SRMS: variants seen among roughly 807,000 people sequenced by gnomAD.
The protein encoded by SRMS is tyrosine-protein kinase Srms.
SRMS carries 42 observed loss-of-function variants against 43.5 expected under a neutral mutation model. The ratio of observed to expected loss-of-function variants is 0.97; its 90% CI spans 0.75 to 1.25. The LOEUF (loss-of-function observed/expected upper bound fraction) is 1.25, where lower values mean the gene tolerates loss of function less well. Ranked by LOEUF, SRMS falls within the 50% of genes most tolerant of loss-of-function variation. The probability of loss-of-function intolerance (pLI) is 0.00; values close to 1 mark genes in which losing one functional copy is unlikely to be tolerated. For synonymous variants in SRMS, 316 were observed against 308.2 expected (o/e 1.03, Z -0.27); for missense variants, 703 against 681.0 (o/e 1.03, Z -0.36).
rs2082719382 is a variant in SRMS, at chr20:63,544,275, A to G, written c.430T>C (p.Phe144Leu). 6.8e-7 allele frequency: 1 copy of G among 1,480,962 alleles called. No individual in the cohort carries two copies. The highest frequency in any genetic ancestry group is 9.0e-7 in the Non-Finnish European group (1 of 1,116,732). 91.7% of individuals were successfully genotyped at this position (1,480,962 alleles called of 1,614,324 possible). Residue 144 changes from phenylalanine to leucine, a missense_variant, in exon 2 of 8, where the codon TTC (phenylalanine) becomes CTC (leucine). By Grantham distance (22) the Phe-to-Leu change is conservative (BLOSUM62 0). Coordinates refer to ENST00000217188, the MANE Select transcript of SRMS (RefSeq NM_080823.4). ...LLSPPNEPGA[F>L]LIRPSESSLG... ...CTGCTCTCGCTGGGCCGGATGAGGA[A>G]GGCCCCTGGTTCGTTGGGTGGGGAG...
At chr20:63,542,725 G>A in intron 3 of SRMS, 144 bp from the exon 4 acceptor site, 2 of 1,147,836 alleles carry the variant, frequency 1.7e-6, no homozygotes, top group Non-Finnish European at 2.4e-6. Flanking sequence ...AGGGGAGTGG[G>A]TGCCAGGCTT....
chr20:63,543,186 G>A, intron 3 of SRMS, 128 bp downstream of exon 3: 1 of 1,156,298 alleles, frequency 8.6e-7, no homozygotes, highest in South Asian at 1.5e-5. Context: ...ATGCTCCCAG[G>A]CCTGGGCAGG....
At position 63,543,374 on chromosome 20, in the gene SRMS, G is replaced by A. The variant is rs751216367; in HGVS notation, c.585C>T (p.Thr195=). 2.2e-5 allele frequency: 36 copies of A among 1,612,832 alleles called. No homozygotes were observed. Among genetic ancestry groups the A allele is most frequent in the Non-Finnish European group, 2.9e-5 (34 of 1,179,966 alleles). Reference sequence around the variant, plus strand: ...TCAGCTTCCAGTTGGCCTTGTAGTAGGTGAGCAGCTCCTCCAGGCCGGGAA... The same window carrying A: ...TCAGCTTCCAGTTGGCCTTGTAGTAAGTGAGCAGCTCCTCCAGGCCGGGAA... The part of the protein sequence containing the change: ...RLFPGLEELL[T]YYKANWKLIQ... The change falls in exon 3 of 8, where the codon ACC becomes ACT. Residue 195 remains threonine, a synonymous_variant. Transcript: ENST00000217188.
In SRMS at chr20:63,542,245, C is replaced by T; in HGVS notation, c.864G>A (p.Leu288=). The T allele has an allele frequency of 6.2e-7, 1 of 1,612,734 alleles. No individual in the cohort carries two copies. Among genetic ancestry groups the T allele is most frequent in the Non-Finnish European group, 8.5e-7 (1 of 1,179,754 alleles). The stretch of plus-strand genomic sequence containing the variant: ...GCTCCCCGCCCGAGCACACTGCGTG[C>T]AGCCGGATGAGCCGCTCGTGCCGCA... ...KGLRHERLIR[L]HAVCSGGEPV... The change falls in exon 5 of 8, where the codon CTG becomes CTA. Residue 288 remains leucine (L), a synonymous_variant. Transcript: ENST00000217188.
intron 3 of SRMS, 40 bp from the exon 4 acceptor site, chr20:63,542,621 C>T: frequency 6.4e-7 from 1 of 1,572,504 alleles, no homozygotes; most frequent in Non-Finnish European, 8.6e-7. Context: ...CAGCGTGGGC[C>T]CCTGTGCTCT....
Position 63,538,612 on chromosome 20 carries a change from T to A in SRMS, c.*2206A>T, listed in dbSNP as rs2082685924. Among the ~76,000 whole-genome samples, 1 of 151,538 alleles carries A rather than the reference T, an allele frequency of 6.6e-6. No homozygotes were observed. Among genetic ancestry groups the A allele is most frequent in the African/African-American group, 2.4e-5 (1 of 41,294 alleles). On this transcript the variant is annotated 3_prime_UTR_variant, in exon 8 of 8. Coordinates refer to ENST00000217188, the MANE Select transcript of SRMS (RefSeq NM_080823.4). Reference sequence around the variant, plus strand: ...CTCATAGATTTCTGGGCAGCCCAGCTCAGCGCTGACCAAGGTGGGGAGGGG... The same window carrying A: ...CTCATAGATTTCTGGGCAGCCCAGCACAGCGCTGACCAAGGTGGGGAGGGG...
Position 63,541,576 on chromosome 20 carries a change from C to A in SRMS, c.991G>T (p.Ala331Ser). 1.3e-6 allele frequency: 2 copies of A among 1,576,466 alleles called. No homozygotes were observed. Among genetic ancestry groups the A allele is most frequent in the Non-Finnish European group, 1.7e-6 (2 of 1,164,640 alleles). The change falls in exon 6 of 8, where the codon GCC becomes TCC. Residue 331 changes from alanine to serine, a missense_variant. Ala to Ser is a moderately conservative substitution (Grantham distance 99, BLOSUM62 1). Coordinates refer to ENST00000217188, the MANE Select transcript of SRMS (RefSeq NM_080823.4). ...CTCATGCCCTCAGCCACCTGGCAGG[C>A]AAAGCCCAGGAGTGGCGGCAGACGC... ...ALRLPPLLGF[A>S]CQVAEGMSYL...
intron 5 of SRMS, 96 bp downstream of exon 5, chr20:63,542,067 T>A: frequency 6.6e-7 from 1 of 1,504,958 alleles, no homozygotes; most frequent in Non-Finnish European, 8.9e-7. Context: ...AGAGGCCCGG[T>A]TCACCTCGGA....
At chr20:63,545,399 G>A (rs897193318) in intron 1 of SRMS, among the ~76,000 whole-genome samples, 1 of 152,170 alleles carries the variant, frequency 6.6e-6, no homozygotes, top group African/African-American at 2.4e-5. Flanking sequence ...GGCACACCCC[G>A]TAAGCACCAG....
chr20:63,540,383 C>T lies in SRMS; in HGVS notation c.*435G>A, dbSNP rs1055806444. Among the ~76,000 whole-genome samples, 6 of 152,330 alleles carry T rather than the reference C, an allele frequency of 3.9e-5. No individual in the cohort carries two copies. The highest frequency in any genetic ancestry group is 7.4e-5 in the Non-Finnish European group (5 of 68,018). On this transcript the variant is annotated 3_prime_UTR_variant, in exon 8 of 8. Transcript: ENST00000217188. Reference sequence around the variant, plus strand: ...TGGGAGGGAGTCCAGGGGACCCAGGCAGGAGACACACAGGGCTCAGGGTTC... The same window carrying T: ...TGGGAGGGAGTCCAGGGGACCCAGGTAGGAGACACACAGGGCTCAGGGTTC...
rs1462121291 is a variant in SRMS, at chr20:63,543,426, C to A, written c.533G>T (p.Ser178Ile). 1.2e-6 allele frequency: 2 copies of A among 1,612,840 alleles called. No homozygotes were observed. Among genetic ancestry groups the A allele is most frequent in the South Asian group, 2.2e-5 (2 of 91,090 alleles). ...GAGCCGTCCCTTCTGCAGGTAGAGG[C>A]TGCCATCAGCTGCCATGGAGACCCG... ...HYRVSMAADG[S>I]LYLQKGRLFP... The change falls in exon 3 of 8, where the codon AGC becomes ATC. Residue 178 changes from serine (S) to isoleucine (I), a missense_variant. Physicochemically the swap from Ser to Ile is moderately radical, Grantham distance 142. Transcript: ENST00000217188.
chr20:63,541,110 C>A (rs930359487), intron 7 of SRMS, 81 bp downstream of exon 7: 2 of 1,563,576 alleles, frequency 1.3e-6, no homozygotes, highest in South Asian at 2.3e-5. Context: ...CCCTCCAACC[C>A]CTTGCCGACA....
At chr20:63,543,239 G>C (rs143566985) in intron 3 of SRMS, 75 bp downstream of exon 3, 168 of 1,546,888 alleles carry the variant, frequency 1.1e-4, no homozygotes, top group Non-Finnish European at 1.3e-4. Flanking sequence ...GTTTTGTGAC[G>C]GGGTGGGGAG....
At position 63,547,171 on chromosome 20, in the gene SRMS, C is replaced by A; in HGVS notation, c.293G>T (p.Ser98Ile). The A allele has an allele frequency of 6.2e-7, 1 of 1,611,566 alleles. No homozygotes were observed. Among genetic ancestry groups the A allele is most frequent in the Non-Finnish European group, 8.5e-7 (1 of 1,179,288 alleles). The change falls in exon 1 of 8, where the codon AGC (serine) becomes ATC (isoleucine). Residue 98 changes from serine (S) to isoleucine (I), a missense_variant. Transcript: ENST00000217188. Reference protein sequence around the residue: ...IFARRLSGQPSAGLVPITHVA... With the variant: ...IFARRLSGQPIAGLVPITHVA... ...GTGGGTGATGGGCACGAGCCCGGCG[C>A]TGGGCTGGCCCGAAAGCCTGCGTGC...
Position 63,547,440 on chromosome 20 carries a change from C to T in SRMS, c.24G>A (p.Arg8=), listed in dbSNP as rs1191644500. Residue 8 remains arginine (R), a synonymous_variant, in exon 1 of 8, where the codon CGG becomes CGA. Coordinates refer to ENST00000217188, the MANE Select transcript of SRMS (RefSeq NM_080823.4). MEPFLRR[R]LAFLSFFWDK... ...CCCAGAAGAAGGACAGGAAGGCCAGCCGCCTCCTGAGGAACGGCTCCATCC... is the reference window on the plus strand; with the variant it reads ...CCCAGAAGAAGGACAGGAAGGCCAGTCGCCTCCTGAGGAACGGCTCCATCC... The T allele has an allele frequency of 1.1e-5, 17 of 1,527,342 alleles. No individual in the cohort carries two copies. The South Asian group carries it at 1.8e-4, about 16-fold the overall frequency. 94.6% of individuals were successfully genotyped at this position (1,527,342 alleles called of 1,614,324 possible).
intron 1 of SRMS, among the ~76,000 whole-genome samples, chr20:63,546,878 C>G (rs912333510): frequency 6.6e-6 from 1 of 152,232 alleles, no homozygotes; most frequent in Admixed American, 6.5e-5. Flanking sequence ...GACCTGACCA[C>G]GCCTGCCGGA....
rs2082711119 is a variant in SRMS at position 63,542,569 on chromosome 20, GC to G, written c.657del (p.Arg219SerfsTer47). ...GAGTGTGGCCGCTCCCACACGTCCT[GC>G]CTCGGGGCCTTCTGCAGGGAGGGTG... is the stretch of plus-strand genomic sequence containing the variant. ...LQPCMPQKAP[R>X]QDVWERPHSE... On this transcript the variant is annotated frameshift_variant, in exon 4 of 8. Coordinates refer to ENST00000217188, the MANE Select transcript of SRMS (RefSeq NM_080823.4). LOFTEE classifies it high-confidence loss of function. 9 of 1,610,134 alleles carry G rather than the reference GC, an allele frequency of 5.6e-6. No homozygotes were observed. Among genetic ancestry groups the G allele is most frequent in the Non-Finnish European group, 7.6e-6 (9 of 1,178,366 alleles).
chr20:63,544,081 C>T, intron 2 of SRMS, 146 bp downstream of exon 2: 3 of 949,800 alleles, frequency 3.2e-6, no homozygotes, highest in Non-Finnish European at 4.3e-6. Flanking sequence ...TTAGCAAGTG[C>T]AGGAGGTGAC....
chr20:63,544,034 G>A (rs1600946319), intron 2 of SRMS, among the ~76,000 whole-genome samples, 193 bp downstream of exon 2: 1 of 152,384 alleles, frequency 6.6e-6, no homozygotes, highest in African/African-American at 2.4e-5. Context: ...GAATGAATGA[G>A]TGGGTGAATG....
Sources: gnomAD v4.1 joint callset for allele counts (sites outside exome capture counted in the v4.1 genomes callset) on GRCh38, gnomAD v4.1.1 for gene constraint, MANE v1.5 for transcripts, NCBI Gene and HGNC (gene_info 2026-07-23, HGNC 2026-07-21) for gene names.